Variants in GNG7 observed in about 807,000 individuals in gnomAD.
GNG7 encodes the protein guanine nucleotide-binding protein G(I)/G(S)/G(O) subunit gamma-7.
GNG7 carries 1 observed loss-of-function variant against 4.0 expected under a neutral mutation model. The observed-to-expected ratio is 0.25, with a 90% CI of 0.09 to 1.18. The LOEUF (loss-of-function observed/expected upper bound fraction) is 1.18, where lower values mean the gene tolerates loss of function less well. Among genes scored for constraint, GNG7 ranks in the 50% most tolerant of loss-of-function variants. The pLI, the probability that GNG7 is intolerant of heterozygous loss-of-function variation, is 0.50. For synonymous variants in GNG7, 34 were observed against 36.9 expected (o/e 0.92, Z 0.29); for missense variants, 86 against 91.9 (o/e 0.94, Z 0.26).
chr19:2,683,428 T>C (rs1983792928), intron 1 of GNG7: 1 of 152,018 alleles, frequency 6.6e-6, no homozygotes, highest in African/African-American at 2.4e-5. Flanking sequence ...AAGACTATTT[T>C]CCCCGGAATA....
chr19:2,585,070 GGGAGGGAT>G (rs1980629517), intron 2 of GNG7, among the ~76,000 whole-genome samples: 1 of 133,368 alleles, frequency 7.5e-6, no homozygotes, highest in Admixed American at 7.6e-5. Flanking sequence ...GAAGGAGGGA[GGGAGGGAT>G]GGAGGGAGGG....
chr19:2,619,723 C>T (rs771032643), intron 2 of GNG7, among the ~76,000 whole-genome samples: 5 of 152,040 alleles, frequency 3.3e-5, no homozygotes, highest in Non-Finnish European at 7.4e-5. Context: ...CAGGCCCATC[C>T]ATGGGGACAG....
At chr19:2,610,967 C>T (rs1946888737) in intron 2 of GNG7, 3 of 4,800 alleles carry the variant, frequency 6.3e-4, no homozygotes, top group African/African-American at 2.6e-3. Context: ...GACGAGGGGG[C>T]GGGTGGGAGG....
At chr19:2,650,518 C>G (rs913164836) in intron 1 of GNG7, among the ~76,000 whole-genome samples, 2 of 152,182 alleles carry the variant, frequency 1.3e-5, no homozygotes, top group African/African-American at 4.8e-5. Context: ...AGTTCTCACT[C>G]TCTGCCTTCA....
intron 1 of GNG7, among the ~76,000 whole-genome samples, chr19:2,673,061 C>A (rs1023678955): frequency 6.7e-6 from 1 of 150,260 alleles, no homozygotes; most frequent in African/African-American, 2.4e-5. Context: ...TCGAGACCAT[C>A]CTGGCTAACA....
chr19:2,668,545 C>T lies in GNG7; in HGVS notation c.-134-22265G>A, dbSNP rs566739712. 4.6e-5 allele frequency among the ~76,000 whole-genome samples: 7 copies of T among 152,204 alleles called. No homozygotes were observed. In the East Asian group the frequency reaches 1.2e-3, roughly 25 times the overall value. On this transcript the variant is annotated intron_variant, in intron 1 of 4. Transcript: ENST00000382159. ...TGGAGGGGCTGCTGGAGGGAGCCCC[C>T]GGAACACCCGAGGCCAATTTCGGCA...
intron 4 of GNG7, among the ~76,000 whole-genome samples, chr19:2,517,871 G>C (rs955558478): frequency 4.6e-5 from 7 of 152,146 alleles, no homozygotes; most frequent in Admixed American, 4.6e-4. Context: ...CCTGGGACCT[G>C]GGCCCTTCAA....
At chr19:2,658,524 C>T (rs923964263) in intron 1 of GNG7, among the ~76,000 whole-genome samples, 1 of 152,070 alleles carries the variant, frequency 6.6e-6, no homozygotes, top group Admixed American at 6.6e-5. Flanking sequence ...AAGTGACCAC[C>T]GAGAGATGAA....
chr19:2,523,781 T>C (rs1439953275), intron 3 of GNG7, among the ~76,000 whole-genome samples: 1 of 152,130 alleles, frequency 6.6e-6, no homozygotes, highest in Non-Finnish European at 1.5e-5. Context: ...TCTACATTCT[T>C]TGTTAGCACT....
At chr19:2,658,398 C>T (rs1446492381) in intron 1 of GNG7, among the ~76,000 whole-genome samples, 2 of 151,966 alleles carry the variant, frequency 1.3e-5, no homozygotes, top group South Asian at 2.1e-4. Context: ...TTTTTAGCCC[C>T]GAGCTTTATA....
chr19:2,668,230 AAAG>A (rs1983360531), intron 1 of GNG7, among the ~76,000 whole-genome samples: 1 of 148,344 alleles, frequency 6.7e-6, no homozygotes, highest in Non-Finnish European at 1.5e-5. Context: ...CAAAAAAAAA[AAAG>A]AGACAGAGAG....
At chr19:2,640,407 T>C (rs921102806) in intron 2 of GNG7, among the ~76,000 whole-genome samples, 1 of 152,204 alleles carries the variant, frequency 6.6e-6, no homozygotes, top group Non-Finnish European at 1.5e-5. Flanking sequence ...TTAACGAGCG[T>C]CAAGAATGAG....
intron 1 of GNG7, among the ~76,000 whole-genome samples, chr19:2,674,069 G>C (rs571187817): frequency 1.6e-4 from 25 of 152,282 alleles, no homozygotes; most frequent in African/African-American, 6.0e-4. Flanking sequence ...TTTGAGACCA[G>C]CCTGGCCAAC....
At chr19:2,620,002 A>C (rs978048849) in intron 2 of GNG7, among the ~76,000 whole-genome samples, 1 of 151,706 alleles carries the variant, frequency 6.6e-6, no homozygotes, top group Non-Finnish European at 1.5e-5. Flanking sequence ...GTTCAAGACC[A>C]GCCTGACCAA....
Position 2,700,078 on chromosome 19 carries a change from CATA to C in GNG7, c.-135+2565_-135+2567del, listed in dbSNP as rs752373419. ...CTCCATATTTGAGACTCTGTCTCAA[CATA>C]ATAATAATAATAACAATAATAATAA... is the stretch of plus-strand genomic sequence containing the variant. On this transcript the variant is annotated intron_variant, in intron 1 of 4. Transcript: ENST00000382159. 2.6e-5 allele frequency among the ~76,000 whole-genome samples: 4 copies of C among 150,958 alleles called. 1 individual carries two copies. The highest frequency in any genetic ancestry group is 4.2e-4 in the South Asian group (2 of 4,788).
rs77206594 is a variant in GNG7, at chr19:2,634,629, G to A, written c.-78+11595C>T. 6.2e-3 allele frequency among the ~76,000 whole-genome samples: 948 copies of A among 152,278 alleles called. 16 individuals carry two copies. The highest frequency in any genetic ancestry group is 0.022 in the African/African-American group (905 of 41,546). Reference sequence around the variant, plus strand: ...TTCTCTCGGGGAGGGTGGTAGCAATGAGCTGTGACCTTCCGGGAGCAGAGC... The same window carrying A: ...TTCTCTCGGGGAGGGTGGTAGCAATAAGCTGTGACCTTCCGGGAGCAGAGC... On this transcript the variant is annotated intron_variant, in intron 2 of 4. Transcript: ENST00000382159. The surrounding 1 kb of genome is among the most constrained non-coding windows in gnomAD (Gnocchi z 5.3).
intron 4 of GNG7, chr19:2,516,936 G>A (rs1286205406): frequency 5.9e-5 from 9 of 152,254 alleles, no homozygotes; most frequent in African/African-American, 1.9e-4. Context: ...TCCCCGCTTA[G>A]CTCACCCCAG....
chr19:2,580,911 T>C (rs1211307952), intron 2 of GNG7, among the ~76,000 whole-genome samples: 8 of 151,888 alleles, frequency 5.3e-5, no homozygotes, highest in African/African-American at 1.5e-4. Flanking sequence ...ATTACAGGTG[T>C]GCACCACCAC....
chr19:2,560,269 GC>G (rs1979701534), intron 2 of GNG7, among the ~76,000 whole-genome samples: 2 of 152,068 alleles, frequency 1.3e-5, no homozygotes, highest in Non-Finnish European at 2.9e-5. Context: ...TGTCCCTCGC[GC>G]CCCTAGTGTG....
Sources: allele counts gnomAD v4.1 joint callset (sites outside exome capture counted in the v4.1 genomes callset), GRCh38; gene constraint gnomAD v4.1.1; non-coding constraint Gnocchi (gnomAD v3.1); transcripts MANE v1.5; gene names NCBI Gene and HGNC (gene_info 2026-07-23, HGNC 2026-07-21).